Variants in ZBTB7C observed in about 807,000 individuals in gnomAD.
The protein encoded by ZBTB7C is zinc finger and BTB domain containing 7C, also known as zinc finger and BTB domain-containing protein 7C.
ZBTB7C carries 8 observed loss-of-function variants against 25.7 expected under a neutral mutation model. The observed-to-expected ratio is 0.31, with a 90% CI of 0.18 to 0.56. ZBTB7C has a LOEUF of 0.56. ZBTB7C is among the 20% of genes least tolerant of loss of function. ZBTB7C has a pLI of 0.91. For missense variants in ZBTB7C, 824 were observed against 855.2 expected (o/e 0.96, Z 0.46); for synonymous variants, 394 against 369.0 (o/e 1.07, Z -0.78).
intron 3 of ZBTB7C, among the ~76,000 whole-genome samples, chr18:48,056,761 G>A (rs2144291641): frequency 1.3e-5 from 2 of 152,148 alleles, no homozygotes; most frequent in Non-Finnish European, 2.9e-5. Context: ...ATGTAGCAAA[G>A]CTTTAAAAGT....
intron 3 of ZBTB7C, among the ~76,000 whole-genome samples, chr18:48,103,846 T>C (rs1375986537): frequency 6.6e-6 from 1 of 152,064 alleles, no homozygotes; most frequent in Non-Finnish European, 1.5e-5. Flanking sequence ...AAGGACCACA[T>C]ATTATATGAT....
At chr18:48,047,015 G>T (rs775630235) in intron 3 of ZBTB7C, among the ~76,000 whole-genome samples, 4 of 152,216 alleles carry the variant, frequency 2.6e-5, no homozygotes, top group Non-Finnish European at 4.4e-5. Context: ...TGGAGAAACA[G>T]ATGTAACCAT....
chr18:48,367,763 G>A (rs962348525), intron 1 of ZBTB7C, among the ~76,000 whole-genome samples: 4 of 151,986 alleles, frequency 2.6e-5, no homozygotes, highest in African/African-American at 9.7e-5. Flanking sequence ...AGGCCTAATA[G>A]AGTCAGGATG....
intron 2 of ZBTB7C, among the ~76,000 whole-genome samples, chr18:48,249,912 C>T (rs187063122): frequency 2.1e-4 from 32 of 152,246 alleles, no homozygotes; most frequent in Admixed American, 1.6e-3. Flanking sequence ...AAGGCTAGAG[C>T]GAAAATGACC....
intron 3 of ZBTB7C, among the ~76,000 whole-genome samples, chr18:48,175,003 C>G (rs762784845): frequency 1.3e-5 from 2 of 152,150 alleles, no homozygotes; most frequent in Non-Finnish European, 2.9e-5. Context: ...TGTATATCTC[C>G]AACTATACCT....
chr18:48,155,909 C>G (rs1046473867), intron 3 of ZBTB7C, among the ~76,000 whole-genome samples: 1 of 152,170 alleles, frequency 6.6e-6, no homozygotes, highest in Non-Finnish European at 1.5e-5. Flanking sequence ...TAGAAGAATA[C>G]TCAGCCTGTC....
At position 48,029,893 on chromosome 18, in the gene ZBTB7C, G is replaced by T. The variant is rs1287317597; in HGVS notation, c.1227C>A (p.Ile409=). The T allele has an allele frequency of 6.2e-7, 1 of 1,611,458 alleles. No individual in the cohort carries two copies. The highest frequency in any genetic ancestry group is 1.3e-5 in the African/African-American group (1 of 74,928). ...VRFTRQDKLK[I]HMRKHTGERP... ...GCTCCCCTGTGTGCTTCCGCATGTGGATTTTCAGCTTGTCCTGCCTGCAAT... is the reference window on the plus strand; with the variant it reads ...GCTCCCCTGTGTGCTTCCGCATGTGTATTTTCAGCTTGTCCTGCCTGCAAT... Residue 409 remains isoleucine, a synonymous_variant, in exon 5 of 5, where the codon ATC becomes ATA. Coordinates refer to ENST00000590800, the MANE Select transcript of ZBTB7C (RefSeq NM_001318841.2).
chr18:48,220,329 G>A (rs1166280620), intron 2 of ZBTB7C, among the ~76,000 whole-genome samples: 4 of 152,204 alleles, frequency 2.6e-5, no homozygotes, highest in East Asian at 1.9e-4. Flanking sequence ...CAGTGCCAGC[G>A]CTGGCACCTT....
At chr18:48,064,927 C>A (rs2037267035) in intron 3 of ZBTB7C, among the ~76,000 whole-genome samples, 2 of 152,196 alleles carry the variant, frequency 1.3e-5, no homozygotes, top group African/African-American at 4.8e-5. Context: ...AACACCACCT[C>A]CCTCCTTCAG....
intron 3 of ZBTB7C, among the ~76,000 whole-genome samples, chr18:48,082,110 T>A (rs986553619): frequency 6.6e-6 from 1 of 152,196 alleles, no homozygotes; most frequent in African/African-American, 2.4e-5. Context: ...ATCACAATGG[T>A]TTGGGGACTT....
intron 3 of ZBTB7C, among the ~76,000 whole-genome samples, chr18:48,089,905 C>T (rs868695730): frequency 1.3e-5 from 2 of 152,222 alleles, no homozygotes; most frequent in Non-Finnish European, 1.5e-5. Flanking sequence ...CTGCCGATCA[C>T]GCAGGGTTGA....
chr18:48,253,643 G>A (rs1487102732), intron 2 of ZBTB7C, among the ~76,000 whole-genome samples: 3 of 152,160 alleles, frequency 2.0e-5, no homozygotes, highest in African/African-American at 7.2e-5. Context: ...AGAGAAGAGA[G>A]AGAAAGAACC....
chr18:48,138,818 C>G (rs894077526), intron 3 of ZBTB7C, among the ~76,000 whole-genome samples: 1 of 152,172 alleles, frequency 6.6e-6, no homozygotes, highest in African/African-American at 2.4e-5. Flanking sequence ...CACTCCACTC[C>G]CAGACCCCAG....
intron 2 of ZBTB7C, among the ~76,000 whole-genome samples, chr18:48,290,830 A>G (rs2045206380): frequency 6.6e-6 from 1 of 152,202 alleles, no homozygotes; most frequent in South Asian, 2.1e-4. Context: ...CTAGTCCAAG[A>G]GTGCCCTCCT....
At chr18:48,229,803 T>C (rs182404333) in intron 2 of ZBTB7C, among the ~76,000 whole-genome samples, 7 of 152,260 alleles carry the variant, frequency 4.6e-5, no homozygotes, top group South Asian at 2.1e-4. Flanking sequence ...ATCTCCCTCA[T>C]AGGCCTTCAG....
intron 1 of ZBTB7C, among the ~76,000 whole-genome samples, chr18:48,388,854 G>C (rs577809722): frequency 6.6e-6 from 1 of 152,344 alleles, no homozygotes; most frequent in South Asian, 2.1e-4. Context: ...GTAATTGGTA[G>C]TACATGGATA....
chr18:48,340,052 CTA>C (rs891104811), intron 1 of ZBTB7C, among the ~76,000 whole-genome samples: 1 of 152,208 alleles, frequency 6.6e-6, no homozygotes, highest in African/African-American at 2.4e-5. Flanking sequence ...TTCATATACT[CTA>C]TGTGTGGAAT....
intron 3 of ZBTB7C, among the ~76,000 whole-genome samples, chr18:48,115,215 T>C (rs1227925074): frequency 6.6e-6 from 1 of 152,218 alleles, no homozygotes; most frequent in African/African-American, 2.4e-5. Flanking sequence ...GTACAGGGTT[T>C]TCAAGGTTGT....
At chr18:48,141,387 C>T (rs1300922473) in intron 3 of ZBTB7C, among the ~76,000 whole-genome samples, 1 of 152,144 alleles carries the variant, frequency 6.6e-6, no homozygotes, top group East Asian at 1.9e-4. Flanking sequence ...ATGTTGGCTA[C>T]TTGATGGCAA....
Sources: allele counts gnomAD v4.1 joint callset (sites outside exome capture counted in the v4.1 genomes callset), GRCh38; gene constraint gnomAD v4.1.1; transcripts MANE v1.5; gene names NCBI Gene and HGNC (gene_info 2026-07-23, HGNC 2026-07-21).